Variants in SCAI observed in about 807,000 individuals in gnomAD.
SCAI encodes suppressor of cancer cell invasion, also known as protein SCAI.
In SCAI, 24 loss-of-function variants were observed where a neutral mutation model predicts 92.2. The ratio of observed to expected loss-of-function variants is 0.26; its 90% CI spans 0.19 to 0.37. The LOEUF (loss-of-function observed/expected upper bound fraction) is 0.37. SCAI is among the 10% of genes least tolerant of loss of function. SCAI has a pLI of 1.00. For synonymous variants in SCAI, 261 were observed against 258.6 expected, an observed-to-expected ratio of 1.01 and a Z score of -0.09; for missense variants, 450 against 736.2, an observed-to-expected ratio of 0.61 and a Z score of 4.50.
intron 9 of SCAI, among the ~76,000 whole-genome samples, chr9:125,013,346 A>G (rs1412136820): frequency 6.6e-6 from 1 of 152,180 alleles, no homozygotes; most frequent in Non-Finnish European, 1.5e-5. Context: ...GATAAAGGGG[A>G]TATCACCACC....
chr9:124,954,451 C>G (rs914476599), intron 17 of SCAI, among the ~76,000 whole-genome samples: 6 of 152,198 alleles, frequency 3.9e-5, no homozygotes, highest in Admixed American at 1.3e-4. Context: ...GTTACACAAT[C>G]CTCCCACTGA....
chr9:125,055,923 A>G lies in SCAI; in HGVS notation c.183T>C (p.Asp61=), dbSNP rs1309539126. The change falls in exon 3 of 18, where the codon GAT becomes GAC. Residue 61 remains aspartate, a synonymous_variant. Transcript: ENST00000336505. Reference sequence around the variant, plus strand: ...TAGATTTATCCAGAAGATAACAAAAATCTGTAACTGTTTTCCTCTCTCCCT... The same window carrying G: ...TAGATTTATCCAGAAGATAACAAAAGTCTGTAACTGTTTTCCTCTCTCCCT... ...IPQGERKTVT[D]FCYLLDKSKQ... The G allele has an allele frequency of 1.9e-6, 3 of 1,612,954 alleles. No individual in the cohort carries two copies.
chr9:125,142,681 CA>C lies in SCAI; in HGVS notation c.54-5del. 6.2e-7 allele frequency: 1 copy of C among 1,612,914 alleles called. No individual in the cohort carries two copies. Among genetic ancestry groups the C allele is most frequent in the South Asian group, 1.1e-5 (1 of 91,064 alleles). On this transcript the variant is annotated splice_polypyrimidine_tract_variant and splice_region_variant and intron_variant, in intron 1 of 17. Transcript: ENST00000336505. ...TTTCTCCACTGTGCCAGTCAGTCTG[CA>C]GACCAAACAAATAAGACGGTAACTA...
chr9:125,089,925 A>G (rs1268795220), intron 2 of SCAI, among the ~76,000 whole-genome samples: 1 of 152,224 alleles, frequency 6.6e-6, no homozygotes, highest in Non-Finnish European at 1.5e-5. Context: ...CCCATTTCCA[A>G]TAACAGATAT....
intron 14 of SCAI, among the ~76,000 whole-genome samples, chr9:124,983,977 T>C (rs1026965169): frequency 6.6e-6 from 1 of 152,210 alleles, no homozygotes; most frequent in South Asian, 2.1e-4. Flanking sequence ...ACAGTGCATA[T>C]TGCTAGTCAC....
intron 17 of SCAI, among the ~76,000 whole-genome samples, chr9:124,961,582 A>G (rs57974998): frequency 0.029 from 4,401 of 151,300 alleles, 176 homozygotes; most frequent in Admixed American, 0.089. Context: ...CCCAGGAGGC[A>G]GAAGTTGCAG....
chr9:125,032,176 T>A (rs1298806639), intron 3 of SCAI, among the ~76,000 whole-genome samples: 1 of 81,898 alleles, frequency 1.2e-5, no homozygotes, highest in Non-Finnish European at 2.4e-5. Context: ...AATGAATATA[T>A]ATATATATAT....
At chr9:125,132,658 T>G (rs1835427570) in intron 2 of SCAI, among the ~76,000 whole-genome samples, 1 of 152,172 alleles carries the variant, frequency 6.6e-6, no homozygotes, top group Non-Finnish European at 1.5e-5. Flanking sequence ...CTTGCTCCTG[T>G]GTCTGCTGTC....
intron 2 of SCAI, among the ~76,000 whole-genome samples, chr9:125,065,354 A>C (rs1423957018): frequency 6.6e-6 from 1 of 152,170 alleles, no homozygotes; most frequent in Admixed American, 6.5e-5. Flanking sequence ...ATAGACAAAC[A>C]CTGAGAAAAA....
At chr9:125,128,381 G>A (rs1181479077) in intron 2 of SCAI, among the ~76,000 whole-genome samples, 2 of 151,852 alleles carry the variant, frequency 1.3e-5, no homozygotes, top group Admixed American at 1.3e-4. Flanking sequence ...GCACTTTGTG[G>A]AGCTGAGGCA....
At chr9:125,050,839 G>C (rs1377390192) in intron 3 of SCAI, among the ~76,000 whole-genome samples, 1 of 151,812 alleles carries the variant, frequency 6.6e-6, no homozygotes, top group African/African-American at 2.4e-5. Context: ...CAAAGTGCTG[G>C]GATTACAGGT....
chr9:125,095,241 G>A (rs955172959), intron 2 of SCAI, among the ~76,000 whole-genome samples: 1 of 152,128 alleles, frequency 6.6e-6, no homozygotes, highest in South Asian at 2.1e-4. Flanking sequence ...AGCTCCCTGT[G>A]GAGTCAGCTC....
At chr9:125,051,476 C>T (rs1425269643) in intron 3 of SCAI, among the ~76,000 whole-genome samples, 1 of 152,148 alleles carries the variant, frequency 6.6e-6, no homozygotes, top group African/African-American at 2.4e-5. Context: ...AAAGATACGA[C>T]TCTATACCTG....
At chr9:125,061,662 A>C (rs1833770922) in intron 2 of SCAI, among the ~76,000 whole-genome samples, 1 of 152,158 alleles carries the variant, frequency 6.6e-6, no homozygotes, top group South Asian at 2.1e-4. Flanking sequence ...CAGGAGACTG[A>C]TGTGGGAGGA....
At chr9:125,023,226 A>C (rs938798842) in intron 6 of SCAI, among the ~76,000 whole-genome samples, 2 of 152,012 alleles carry the variant, frequency 1.3e-5, no homozygotes, top group African/African-American at 4.8e-5. Flanking sequence ...TCTAGTTTCA[A>C]TTTTCTTCTT....
intron 2 of SCAI, among the ~76,000 whole-genome samples, chr9:125,111,801 C>T (rs1026271754): frequency 6.6e-6 from 1 of 151,940 alleles, no homozygotes; most frequent in Admixed American, 6.6e-5. Context: ...TAGGATGTAG[C>T]GCAGGGAAGA....
intron 2 of SCAI, among the ~76,000 whole-genome samples, chr9:125,086,322 A>G (rs972493972): frequency 5.3e-5 from 8 of 152,182 alleles, no homozygotes; most frequent in African/African-American, 1.9e-4. Flanking sequence ...TGCCTGCTCT[A>G]TGGCTGCCAC....
intron 3 of SCAI, among the ~76,000 whole-genome samples, chr9:125,030,732 T>C (rs1833058050): frequency 6.6e-6 from 1 of 152,118 alleles, no homozygotes; most frequent in African/African-American, 2.4e-5. Context: ...GATAATACGA[T>C]TAATGAACTT....
chr9:125,002,996 C>A, intron 11 of SCAI, 118 bp downstream of exon 11: 2 of 638,406 alleles, frequency 3.1e-6, no homozygotes, highest in South Asian at 2.3e-5. Flanking sequence ...ACTCTAAAGG[C>A]AGTTTTTCAT....
Sources: gnomAD v4.1 joint callset for allele counts (sites outside exome capture counted in the v4.1 genomes callset) on GRCh38, gnomAD v4.1.1 for gene constraint, MANE v1.5 for transcripts, NCBI Gene and HGNC (gene_info 2026-07-23, HGNC 2026-07-21) for gene names.